Variants in CLCA4 observed in about 807,000 individuals in gnomAD.
The protein encoded by CLCA4 is calcium-activated chloride channel regulator 4.
Under a neutral mutation model 78.9 loss-of-function variants are expected in CLCA4, and 69 were observed. The ratio of observed to expected loss-of-function variants is 0.87; its 90% confidence interval spans 0.72 to 1.07. The LOEUF (loss-of-function observed/expected upper bound fraction) is 1.07. Among genes scored for constraint, CLCA4 ranks in the 50% least tolerant of loss-of-function variants. The pLI is 0.00. For missense variants in CLCA4, 1,133 were observed against 1,095.8 expected (o/e 1.03, Z -0.48); for synonymous variants, 362 against 375.8 (o/e 0.96, Z 0.42).
chr1:86,566,089 C>A, intron 6 of CLCA4, 69 bp downstream of exon 6: 1 of 1,360,604 alleles, frequency 7.3e-7, no homozygotes, highest in Non-Finnish European at 1.0e-6. Flanking sequence ...TGAACTCTGT[C>A]TGCACCTAGA....
At chr1:86,572,170 C>T (rs562145812) in intron 8 of CLCA4, among the ~76,000 whole-genome samples, 2 of 152,026 alleles carry the variant, frequency 1.3e-5, no homozygotes, top group East Asian at 3.9e-4. Context: ...TGATTTTGGT[C>T]TATGCTGGCT....
At chr1:86,563,840 TC>T in intron 4 of CLCA4, 71 bp downstream of exon 4, 1 of 817,262 alleles carries the variant, frequency 1.2e-6, no homozygotes, top group South Asian at 1.7e-5. Flanking sequence ...TTTGATTTCT[TC>T]CAAAATCATT....
chr1:86,565,601 G>T (rs982403358), intron 5 of CLCA4, 150 bp downstream of exon 5: 1 of 682,340 alleles, frequency 1.5e-6, no homozygotes, highest in Non-Finnish European at 2.4e-6. Flanking sequence ...CTGAACTAGT[G>T]CTATCTAGTG....
chr1:86,552,517 G>C, intron 1 of CLCA4: 1 of 510,830 alleles, frequency 2.0e-6, no homozygotes, highest in Non-Finnish European at 3.5e-6. Flanking sequence ...TCAGCAGACA[G>C]GGCAGCAAGG....
chr1:86,560,765 G>A (rs1237114583), intron 3 of CLCA4, among the ~76,000 whole-genome samples: 1 of 152,150 alleles, frequency 6.6e-6, no homozygotes, highest in Admixed American at 6.6e-5. Flanking sequence ...TAGTAAGCTG[G>A]AAAGAGTCAT....
intron 3 of CLCA4, among the ~76,000 whole-genome samples, chr1:86,561,123 C>T (rs1416507162): frequency 6.6e-6 from 1 of 152,200 alleles, no homozygotes; most frequent in Admixed American, 6.5e-5. Context: ...AGATCTGGTC[C>T]TATTCATTAC....
intron 6 of CLCA4, 118 bp downstream of exon 6, chr1:86,566,138 G>T: frequency 1.3e-6 from 1 of 741,196 alleles, no homozygotes; most frequent in Non-Finnish European, 2.1e-6. Flanking sequence ...TACCATCACT[G>T]CCCATGATCA....
At chr1:86,579,865 C>A in intron 13 of CLCA4, 77 bp from the exon 14 acceptor site, 1 of 1,013,292 alleles carries the variant, frequency 9.9e-7, no homozygotes, top group Non-Finnish European at 1.5e-6. Flanking sequence ...CATAACTAGA[C>A]ATTTTTGAGA....
chr1:86,553,485 G>C, intron 1 of CLCA4: 3 of 320,698 alleles, frequency 9.4e-6, no homozygotes, highest in Non-Finnish European at 1.7e-5. Flanking sequence ...CGACCCGCGA[G>C]TCTGCCCGCT....
intron 1 of CLCA4, among the ~76,000 whole-genome samples, chr1:86,548,203 A>C (rs1011587120): frequency 6.6e-5 from 10 of 151,988 alleles, no homozygotes; most frequent in African/African-American, 2.4e-4. Context: ...AATGATGTTG[A>C]CCACTTTTTC....
rs2101804773 is a variant in CLCA4, at chr1:86,565,811, T to G, written c.745T>G (p.Phe249Val). ...FMQSIDSVVE[F>V]CNEKTHNQEA... is the part of the protein sequence containing the mutation. The stretch of plus-strand genomic sequence containing the variant: ...TTTATTAACCTTTTAGGTTGTTGAA[T>G]TTTGTAACGAAAAAACCCATAATCA... Residue 249 changes from phenylalanine (F) to valine (V), a missense_variant, in exon 6 of 14, where the codon TTT (phenylalanine) becomes GTT (valine). Transcript: ENST00000370563. 3 of 1,521,546 alleles carry G rather than the reference T, an allele frequency of 2.0e-6. No individual in the cohort carries two copies. The highest frequency in any genetic ancestry group is 2.3e-5 in the East Asian group (1 of 42,906). 94.3% of individuals were successfully genotyped at this position (1,521,546 alleles called of 1,614,324 possible). A position where few individuals can be genotyped will look rare whatever the true frequency, so the allele number is the denominator to read the frequency against.
In CLCA4 at chr1:86,563,254, A is replaced by G. The variant is rs573313965; in HGVS notation, c.449-407A>G. Among the ~76,000 whole-genome samples the G allele has an allele frequency of 5.3e-5, 8 of 151,684 alleles. No individual in the cohort carries two copies. The South Asian group carries it at 8.3e-4, about 16-fold the overall frequency. On this transcript the variant is annotated intron_variant, in intron 3 of 13. Transcript: ENST00000370563. ...ATTGAATATATATATATAATTAAAAATTGTTTCATATAATTAATGCCTATG... is the reference window on the plus strand; with the variant it reads ...ATTGAATATATATATATAATTAAAAGTTGTTTCATATAATTAATGCCTATG...
chr1:86,578,033 C>A lies in CLCA4; in HGVS notation c.2083C>A (p.Leu695Met), dbSNP rs1364086953. ...NTARLKLRPPLNRAAYIPGWV... is the reference protein window; with the variant it reads ...NTARLKLRPPMNRAAYIPGWV... ...TGCCAGGCTAAAATTACGGCCTCCA[C>A]TGAATAGAGCCGCGTACATACCAGG... The change falls in exon 12 of 14, where the codon CTG (leucine) becomes ATG (methionine). Residue 695 changes from leucine (L) to methionine (M), a missense_variant. By Grantham distance (15) the Leu-to-Met change is conservative. Transcript: ENST00000370563. The A allele has an allele frequency of 6.2e-7, 1 of 1,612,664 alleles. No individual in the cohort carries two copies. The highest frequency in any genetic ancestry group is 1.1e-5 in the South Asian group (1 of 91,006).
chr1:86,556,123 A>G (rs1649833038), intron 1 of CLCA4, among the ~76,000 whole-genome samples: 1 of 152,186 alleles, frequency 6.6e-6, no homozygotes, highest in Non-Finnish European at 1.5e-5. Flanking sequence ...GGGGTTTTCT[A>G]GATATAGAAT....
rs1393351895 is a variant in CLCA4 at position 86,547,214 on chromosome 1, A to T, written c.95A>T (p.Glu32Val). ...SFIKLNNNGF[E>V]DIVIVIDPSV... ...ATTAAGCTGAATAATAATGGCTTTG[A>T]AGATATTGTCATTGTTATAGATCCT... The change falls in exon 1 of 14, where the codon GAA (glutamate) becomes GTA (valine). Residue 32 changes from glutamate to valine, a missense_variant. Transcript: ENST00000370563. 6.2e-7 allele frequency: 1 copy of T among 1,611,864 alleles called. No individual in the cohort carries two copies. The highest frequency in any genetic ancestry group is 8.5e-7 in the Non-Finnish European group (1 of 1,179,086).
chr1:86,554,528 G>T (rs1046064565), intron 1 of CLCA4, among the ~76,000 whole-genome samples: 2 of 152,162 alleles, frequency 1.3e-5, no homozygotes, highest in African/African-American at 2.4e-5. Context: ...GCCTCCCAAG[G>T]TGCTGGGATT....
chr1:86,559,114 T>C (rs1169593459), intron 1 of CLCA4, among the ~76,000 whole-genome samples: 1 of 152,210 alleles, frequency 6.6e-6, no homozygotes, highest in East Asian at 1.9e-4. Flanking sequence ...TTGGGGAAGT[T>C]TTCATAGATG....
At chr1:86,549,619 G>A (rs1223348097) in intron 1 of CLCA4, among the ~76,000 whole-genome samples, 1 of 152,214 alleles carries the variant, frequency 6.6e-6, no homozygotes, top group African/African-American at 2.4e-5. Flanking sequence ...TAGGAACAGG[G>A]AGGTTGTGGT....
At chr1:86,557,865 CT>C (rs1649898350) in intron 1 of CLCA4, among the ~76,000 whole-genome samples, 1 of 151,954 alleles carries the variant, frequency 6.6e-6, no homozygotes, top group South Asian at 2.1e-4. Context: ...AATTTGGGTG[CT>C]CCTTTGTTGG....
Sources: allele counts gnomAD v4.1 joint callset (sites outside exome capture counted in the v4.1 genomes callset), GRCh38; gene constraint gnomAD v4.1.1; transcripts MANE v1.5; gene names NCBI Gene and HGNC (gene_info 2026-07-23, HGNC 2026-07-21).